KBTBD12: variants seen among roughly 807,000 people sequenced by gnomAD.
KBTBD12 encodes kelch repeat and BTB domain containing 12.
Under a neutral mutation model 58.7 loss-of-function variants are expected in KBTBD12, and 53 were observed. The ratio of observed to expected loss-of-function variants is 0.90; its 90% confidence interval spans 0.72 to 1.14. KBTBD12 has a LOEUF of 1.14. Among genes scored for constraint, KBTBD12 ranks in the 50% most tolerant of loss-of-function variants. The pLI, the probability that KBTBD12 is intolerant of heterozygous loss-of-function variation, is 0.00. For missense variants in KBTBD12, 704 were observed against 751.3 expected (o/e 0.94, Z 0.74); for synonymous variants, 236 against 259.8 (o/e 0.91, Z 0.88).
At chr3:127,977,292 T>A (rs7625844) in intron 5 of KBTBD12, among the ~76,000 whole-genome samples, 11,886 of 152,266 alleles carry the variant, frequency 0.078, 681 homozygotes, top group African/African-American at 0.17. Context: ...TCTGCAGTGA[T>A]AATACACATG....
In KBTBD12 at chr3:127,923,186, T is replaced by G. The variant is rs368751103; in HGVS notation, c.125T>G (p.Phe42Cys). Reference sequence around the variant, plus strand: ...GTACTCACAGCAGAAGGAGAGAAATTTCCTTGCCACAGACTGGTCCTGGCT... The same window carrying G: ...GTACTCACAGCAGAAGGAGAGAAATGTCCTTGCCACAGACTGGTCCTGGCT... ...DVVLTAEGEK[F>C]PCHRLVLAAF... Residue 42 changes from phenylalanine (F) to cysteine (C), a missense_variant, in exon 2 of 6, where the codon TTT (phenylalanine) becomes TGT (cysteine). Phe to Cys is a radical substitution (Grantham distance 205). Transcript: ENST00000405109. The G allele has an allele frequency of 2.5e-5, 40 of 1,613,626 alleles. No individual in the cohort carries two copies. The highest frequency in any genetic ancestry group is 1.6e-4 in the Middle Eastern group (1 of 6,082).
intron 1 of KBTBD12, 80 bp from the exon 2 acceptor site, chr3:127,922,869 CT>C (rs1311680999): frequency 5.5e-5 from 27 of 489,244 alleles, no homozygotes; most frequent in Middle Eastern, 5.2e-4. Context: ...TTTATAAATA[CT>C]TTTTTTAGAA....
At chr3:127,961,187 G>T (rs1940432141) in intron 4 of KBTBD12, among the ~76,000 whole-genome samples, 1 of 152,096 alleles carries the variant, frequency 6.6e-6, no homozygotes, top group South Asian at 2.1e-4. Context: ...CAACTCCTAT[G>T]GTTAAATCCT....
chr3:127,943,860 G>T (rs561951835), intron 4 of KBTBD12, among the ~76,000 whole-genome samples: 1 of 152,146 alleles, frequency 6.6e-6, no homozygotes, highest in East Asian at 1.9e-4. Flanking sequence ...GTTGCTTTTT[G>T]TGTATAGTGT....
chr3:127,957,290 C>T (rs1197232273), intron 4 of KBTBD12, among the ~76,000 whole-genome samples: 2 of 152,168 alleles, frequency 1.3e-5, no homozygotes, highest in Admixed American at 6.5e-5. Context: ...CAAATACTGT[C>T]AAGCATCCTT....
chr3:127,948,177 C>T (rs991287251), intron 4 of KBTBD12, among the ~76,000 whole-genome samples: 1 of 152,180 alleles, frequency 6.6e-6, no homozygotes, highest in Non-Finnish European at 1.5e-5. Context: ...TAGCAGTAAT[C>T]GAAGCCAGTT....
At chr3:127,934,685 GA>G (rs1370394679) in intron 4 of KBTBD12, among the ~76,000 whole-genome samples, 3 of 152,110 alleles carry the variant, frequency 2.0e-5, no homozygotes, top group African/African-American at 7.2e-5. Context: ...GTATCATGTA[GA>G]AGGAAACAAG....
At chr3:127,929,671 A>G (rs1001714642) in intron 3 of KBTBD12, among the ~76,000 whole-genome samples, 6 of 152,180 alleles carry the variant, frequency 3.9e-5, no homozygotes, top group Non-Finnish European at 8.8e-5. Flanking sequence ...AGACACTACA[A>G]TGTTTTGGCA....
intron 4 of KBTBD12, among the ~76,000 whole-genome samples, chr3:127,951,130 A>G (rs1264325028): frequency 6.6e-6 from 1 of 152,202 alleles, no homozygotes; most frequent in South Asian, 2.1e-4. Flanking sequence ...TAACGTTTTA[A>G]TGTCTTCATT....
intron 5 of KBTBD12, among the ~76,000 whole-genome samples, chr3:127,963,972 T>C (rs1940508062): frequency 2.0e-5 from 3 of 152,178 alleles, no homozygotes; most frequent in Admixed American, 2.0e-4. Context: ...TAATACCTAA[T>C]GCATGTGTTT....
At chr3:127,955,399 T>C (rs1940298627) in intron 4 of KBTBD12, among the ~76,000 whole-genome samples, 1 of 152,214 alleles carries the variant, frequency 6.6e-6, no homozygotes, top group African/African-American at 2.4e-5. Context: ...AAGGTTCAAA[T>C]TATTACAGTA....
Position 127,923,522 on chromosome 3 carries a change from A to C in KBTBD12, c.461A>C (p.Lys154Thr), listed in dbSNP as rs868097830. The stretch of plus-strand genomic sequence containing the variant: ...GAAGATTTATCTGATCGATCAAAGA[A>C]ATATTTATATCAGCACTTTGCCGAG... The part of the protein sequence containing the change: ...GAEDLSDRSK[K>T]YLYQHFAEVS... Residue 154 changes from lysine to threonine, a missense_variant, in exon 2 of 6, where the codon AAA becomes ACA. Physicochemically the swap from Lys to Thr is moderately conservative, Grantham distance 78. Coordinates refer to ENST00000405109, the MANE Select transcript of KBTBD12 (RefSeq NM_207335.4). 21 of 1,611,918 alleles carry C rather than the reference A, an allele frequency of 1.3e-5. No individual in the cohort carries two copies. The African/African-American group carries it at 2.7e-4, about 20-fold the overall frequency.
chr3:127,963,159 C>T, intron 4 of KBTBD12, 30 bp from the exon 5 acceptor site: 2 of 1,548,022 alleles, frequency 1.3e-6, no homozygotes, highest in South Asian at 2.5e-5. Context: ...AGTTCCTGAT[C>T]CTCTCATTTC....
intron 4 of KBTBD12, among the ~76,000 whole-genome samples, chr3:127,934,012 A>T (rs1313289035): frequency 6.6e-6 from 1 of 152,270 alleles, no homozygotes; most frequent in East Asian, 1.9e-4. Context: ...AGTACCAACA[A>T]AAAATCACAA....
intron 4 of KBTBD12, among the ~76,000 whole-genome samples, chr3:127,953,496 A>G (rs903261315): frequency 2.0e-5 from 3 of 152,274 alleles, no homozygotes; most frequent in Admixed American, 6.5e-5. Context: ...TAGGAATTAA[A>G]GATGAAAACA....
At chr3:127,966,308 A>T (rs994653224) in intron 5 of KBTBD12, among the ~76,000 whole-genome samples, 3 of 152,146 alleles carry the variant, frequency 2.0e-5, no homozygotes, top group African/African-American at 4.8e-5. Flanking sequence ...TCACAGAAAA[A>T]GTCTTTTATG....
At chr3:127,920,671 T>C (rs1939379780) in intron 1 of KBTBD12, among the ~76,000 whole-genome samples, 1 of 152,118 alleles carries the variant, frequency 6.6e-6, no homozygotes, top group African/African-American at 2.4e-5. Context: ...CAAACATTCG[T>C]GGCTTAAAGA....
intron 4 of KBTBD12, among the ~76,000 whole-genome samples, chr3:127,959,703 G>A (rs1940392687): frequency 6.6e-6 from 1 of 152,192 alleles, no homozygotes; most frequent in Non-Finnish European, 1.5e-5. Context: ...TTGTGAATAG[G>A]TATACAACAA....
intron 4 of KBTBD12, among the ~76,000 whole-genome samples, chr3:127,939,482 G>T (rs1277041986): frequency 6.6e-6 from 1 of 152,162 alleles, no homozygotes; most frequent in African/African-American, 2.4e-5. Flanking sequence ...AAGCATGAAA[G>T]AGGGAGGGTA....
Sources: gnomAD v4.1 joint callset for allele counts (sites outside exome capture counted in the v4.1 genomes callset) on GRCh38, gnomAD v4.1.1 for gene constraint, MANE v1.5 for transcripts, NCBI Gene and HGNC (gene_info 2026-07-23, HGNC 2026-07-21) for gene names.